The following CNTNAP3B variants were observed in gnomAD, a reference collection of about 807,000 sequenced individuals.
The protein encoded by CNTNAP3B is contactin-associated protein-like 3B.
In CNTNAP3B, 25 loss-of-function variants were observed where a neutral mutation model predicts 108.9. The ratio of observed to expected loss-of-function variants is 0.23; its 90% CI spans 0.17 to 0.32. The LOEUF (loss-of-function observed/expected upper bound fraction) is 0.32. Ranked by LOEUF, CNTNAP3B falls within the 10% of genes least tolerant of loss-of-function variation. CNTNAP3B has a pLI of 1.00. For synonymous variants in CNTNAP3B, 103 were observed against 473.4 expected (o/e 0.22, Z 10.16); for missense variants, 252 against 1,210.4 (o/e 0.21, Z 11.75).
chr9:41,913,753 T>A (rs952871107), intron 18 of CNTNAP3B, among the ~76,000 whole-genome samples: 2 of 128,650 alleles, frequency 1.6e-5, no homozygotes, highest in African/African-American at 6.5e-5. Flanking sequence ...CTAGTAAACA[T>A]GAAGTTATAT....
intron 18 of CNTNAP3B, among the ~76,000 whole-genome samples, chr9:41,919,136 T>C (rs1172612312): frequency 6.6e-6 from 1 of 152,046 alleles, no homozygotes; most frequent in Non-Finnish European, 1.5e-5. Flanking sequence ...TTTTTCCTTT[T>C]CTTTTTTTTT....
At chr9:41,959,992 T>C (rs1420070682) in intron 12 of CNTNAP3B, 2 of 151,266 alleles carry the variant, frequency 1.3e-5, no homozygotes, top group African/African-American at 4.9e-5. Flanking sequence ...CATTTCTTTT[T>C]TTCCTTTTTT....
intron 14 of CNTNAP3B, among the ~76,000 whole-genome samples, chr9:41,934,186 C>CAT (rs1159447535): frequency 0.077 from 9,987 of 129,508 alleles, 75 homozygotes; most frequent in East Asian, 0.14. Context: ...TACACACACA[C>CAT]ACATATATAT....
At chr9:41,963,241 T>C (rs1308649702) in intron 11 of CNTNAP3B, among the ~76,000 whole-genome samples, 3 of 152,276 alleles carry the variant, frequency 2.0e-5, no homozygotes, top group Non-Finnish European at 2.9e-5. Flanking sequence ...AATTAGGAAC[T>C]CAGGATGAGC....
At chr9:41,925,306 T>C (rs1024016685) in intron 15 of CNTNAP3B, among the ~76,000 whole-genome samples, 8 of 152,042 alleles carry the variant, frequency 5.3e-5, no homozygotes, top group Non-Finnish European at 8.8e-5. Context: ...AGAAATAGCT[T>C]TTCTCGGCTA....
At position 42,056,389 on chromosome 9, in the gene CNTNAP3B, C is replaced by T. The variant is rs528727733; in HGVS notation, c.390+20480G>A. ...TATTTGAGACGGAGTCTTGCTCTGT[C>T]GCCCAGGCTGGAGTGCAGTGGCGCA... On this transcript the variant is annotated intron_variant, in intron 3 of 23. Transcript: ENST00000377561. 8.7e-5 allele frequency among the ~76,000 whole-genome samples: 12 copies of T among 138,718 alleles called. 1 individual carries two copies. The South Asian group carries it at 1.4e-3, about 16-fold the overall frequency. The allele number at this position is 138,718 out of a possible 152,430, so 91.0% of individuals were successfully genotyped here. A position where few individuals can be genotyped will look rare whatever the true frequency, so the allele number is the denominator to read the frequency against.
At chr9:42,109,726 T>C (rs1203924888) in intron 1 of CNTNAP3B, among the ~76,000 whole-genome samples, 1 of 139,782 alleles carries the variant, frequency 7.2e-6, no homozygotes, top group African/African-American at 2.9e-5. Flanking sequence ...CTCCCAAAGA[T>C]ATGTCTATGC....
intron 4 of CNTNAP3B, among the ~76,000 whole-genome samples, chr9:42,001,343 G>A (rs1826001405): frequency 8.0e-6 from 1 of 125,634 alleles, no homozygotes; most frequent in Admixed American, 8.1e-5. Flanking sequence ...GAGCTCGGGA[G>A]GTGGAGGCTG....
intron 10 of CNTNAP3B, among the ~76,000 whole-genome samples, chr9:41,968,070 T>C (rs1825334233): frequency 6.6e-6 from 1 of 152,244 alleles, no homozygotes; most frequent in African/African-American, 2.4e-5. Context: ...GTAAAAACAA[T>C]AGTTTTGTAC....
chr9:42,087,583 T>G lies in CNTNAP3B; in HGVS notation c.197-10521A>C, dbSNP rs1412880688. ...GCAAAGGAGACAGATACAAATATGC[T>G]GAAACTCATGTTGTTGTTTGTGGTG... On this transcript the variant is annotated intron_variant, in intron 2 of 23. Transcript: ENST00000377561. Among the ~76,000 whole-genome samples the G allele has an allele frequency of 1.4e-5, 2 of 145,008 alleles. 1 individual carries two copies. Among genetic ancestry groups the G allele is most frequent in the Non-Finnish European group, 3.0e-5 (2 of 66,106 alleles).
chr9:42,030,782 G>GAT (rs1375743498), intron 3 of CNTNAP3B, among the ~76,000 whole-genome samples: 2 of 108,404 alleles, frequency 1.8e-5, no homozygotes, highest in African/African-American at 8.4e-5. Flanking sequence ...GAGAGAGAGA[G>GAT]AGATGTGTGC....
chr9:42,107,500 C>T (rs1828105255), intron 1 of CNTNAP3B, among the ~76,000 whole-genome samples: 1 of 124,900 alleles, frequency 8.0e-6, no homozygotes, highest in Admixed American at 8.3e-5. Context: ...TCACGAGTTT[C>T]AGATGATTTC....
chr9:41,944,700 C>G (rs1287187475), intron 13 of CNTNAP3B, among the ~76,000 whole-genome samples: 7 of 151,920 alleles, frequency 4.6e-5, no homozygotes, highest in Non-Finnish European at 8.8e-5. Flanking sequence ...TCAATAATCA[C>G]TTTAAATGTA....
intron 14 of CNTNAP3B, among the ~76,000 whole-genome samples, chr9:41,930,236 C>T (rs1194113334): frequency 6.6e-6 from 1 of 152,216 alleles, no homozygotes; most frequent in African/African-American, 2.4e-5. Context: ...AAACACTGCT[C>T]CCAGTAGTTC....
chr9:42,004,784 G>T (rs1826063340), intron 4 of CNTNAP3B, among the ~76,000 whole-genome samples: 1 of 118,816 alleles, frequency 8.4e-6, no homozygotes, highest in Non-Finnish European at 1.9e-5. Flanking sequence ...AGATGTATTG[G>T]GATTCTGTAG....
At chr9:41,915,689 G>A (rs1363141629) in intron 18 of CNTNAP3B, among the ~76,000 whole-genome samples, 1 of 145,598 alleles carries the variant, frequency 6.9e-6, no homozygotes, top group Non-Finnish European at 1.5e-5. Context: ...AATCATGAAA[G>A]GTTACTGGAG....
chr9:41,945,648 G>A (rs1387550819), intron 13 of CNTNAP3B, among the ~76,000 whole-genome samples: 3 of 152,304 alleles, frequency 2.0e-5, no homozygotes, highest in African/African-American at 4.8e-5. Flanking sequence ...AATAGCATTA[G>A]GAGATATAGC....
rs1300701261 is a variant in CNTNAP3B, at chr9:42,125,530, G to T, written c.85+3480C>A. Among the ~76,000 whole-genome samples the T allele has an allele frequency of 3.6e-4, 51 of 140,322 alleles. 7 individuals carry two copies. Among genetic ancestry groups the T allele is most frequent in the Non-Finnish European group, 7.7e-5 (5 of 65,178 alleles). The allele number at this position is 140,322 out of a possible 152,430, so 92.1% of individuals were successfully genotyped here. A position where few individuals can be genotyped will look rare whatever the true frequency, so the allele number is the denominator to read the frequency against. ...AAAGGAAGAGGAAGAAGAATGCCAA[G>T]TAATTTGATTTTTCTTTTTTCATGA... On this transcript the variant is annotated intron_variant, in intron 1 of 23. Transcript: ENST00000377561.
intron 14 of CNTNAP3B, among the ~76,000 whole-genome samples, chr9:41,931,851 G>T (rs1823988340): frequency 6.8e-6 from 1 of 146,288 alleles, no homozygotes; most frequent in African/African-American, 2.6e-5. Flanking sequence ...ATTTATGGAG[G>T]ATGCTTGTAT....
Sources: allele counts gnomAD v4.1 joint callset (sites outside exome capture counted in the v4.1 genomes callset), GRCh38; gene constraint gnomAD v4.1.1; transcripts MANE v1.5; gene names NCBI Gene and HGNC (gene_info 2026-07-23, HGNC 2026-07-21).